FRAS1: variants seen among roughly 807,000 people sequenced by gnomAD.
FRAS1 encodes the protein extracellular matrix organizing protein FRAS1.
FRAS1 carries 290 observed loss-of-function variants against 435.2 expected under a neutral mutation model. The ratio of observed to expected loss-of-function variants is 0.67; its 90% confidence interval spans 0.61 to 0.73. The LOEUF is 0.73. Among genes scored for constraint, FRAS1 ranks in the 30% least tolerant of loss-of-function variants. FRAS1 has a pLI of 0.00. For missense variants in FRAS1, 4,860 were observed against 5,001.5 expected (o/e 0.97, Z 0.85); for synonymous variants, 1,800 against 1,851.0 (o/e 0.97, Z 0.71).
intron 6 of FRAS1, among the ~76,000 whole-genome samples, chr4:78,259,933 C>T (rs1019901294): frequency 2.0e-5 from 3 of 152,174 alleles, no homozygotes; most frequent in African/African-American, 7.2e-5. Flanking sequence ...TATGGCTAGC[C>T]AGTTTTCCCA....
chr4:78,511,591 G>T (rs1312680318), intron 64 of FRAS1, 85 bp downstream of exon 64: 6 of 990,870 alleles, frequency 6.1e-6, no homozygotes, highest in Non-Finnish European at 7.9e-6. Flanking sequence ...AATCAATAAG[G>T]GATGCTTCTG....
intron 17 of FRAS1, 73 bp downstream of exon 17, chr4:78,317,581 T>C (rs1178901218): frequency 2.2e-6 from 3 of 1,390,842 alleles, no homozygotes; most frequent in East Asian, 2.4e-5. Context: ...TCCAATAATA[T>C]AACTTTCCAG....
chr4:78,272,438 G>T (rs1253117910), intron 9 of FRAS1, among the ~76,000 whole-genome samples: 1 of 152,126 alleles, frequency 6.6e-6, no homozygotes, highest in African/African-American at 2.4e-5. Context: ...GATTTTTATG[G>T]TTTTAGGTCT....
intron 18 of FRAS1, among the ~76,000 whole-genome samples, chr4:78,332,709 C>T (rs1363545761): frequency 1.2e-5 from 1 of 84,598 alleles, no homozygotes; most frequent in Non-Finnish European, 2.7e-5. Flanking sequence ...ATTCTCTGTG[C>T]TATACTCTTT....
chr4:78,244,149 C>A (rs1725132596), intron 3 of FRAS1, among the ~76,000 whole-genome samples: 1 of 152,052 alleles, frequency 6.6e-6, no homozygotes, highest in Non-Finnish European at 1.5e-5. Context: ...AAAACTTAGT[C>A]CTATTTCCCA....
chr4:78,116,553 C>T (rs1392063339), intron 2 of FRAS1, among the ~76,000 whole-genome samples: 1 of 152,314 alleles, frequency 6.6e-6, no homozygotes, highest in East Asian at 1.9e-4. Flanking sequence ...ATTAGCTCTT[C>T]TTGTTGAATT....
At chr4:78,209,469 C>G (rs1723412502) in intron 2 of FRAS1, among the ~76,000 whole-genome samples, 1 of 152,116 alleles carries the variant, frequency 6.6e-6, no homozygotes. Flanking sequence ...CCTCTGTCCC[C>G]AAAAGACCAC....
chr4:78,151,553 A>C (rs1383989869), intron 2 of FRAS1, among the ~76,000 whole-genome samples: 1 of 152,154 alleles, frequency 6.6e-6, no homozygotes, highest in African/African-American at 2.4e-5. Flanking sequence ...TCATTTTGGT[A>C]GGGAATTTCA....
At chr4:78,393,382 C>T (rs911103927) in intron 29 of FRAS1, among the ~76,000 whole-genome samples, 4 of 147,416 alleles carry the variant, frequency 2.7e-5, no homozygotes, top group Non-Finnish European at 6.0e-5. Flanking sequence ...CATAAAATAT[C>T]TTATAATAGT....
chr4:78,274,885 C>T (rs1329443110), intron 9 of FRAS1, among the ~76,000 whole-genome samples: 4 of 152,062 alleles, frequency 2.6e-5, no homozygotes, highest in East Asian at 1.9e-4. Context: ...CTTTCTGTCT[C>T]GTTGATCTGT....
At chr4:78,323,263 A>T (rs369814248) in intron 18 of FRAS1, among the ~76,000 whole-genome samples, 12 of 152,364 alleles carry the variant, frequency 7.9e-5, no homozygotes, top group African/African-American at 2.9e-4. Flanking sequence ...CATTTTCAAT[A>T]ATCAGTCCGA....
chr4:78,441,181 C>G lies in FRAS1; in HGVS notation c.5549C>G (p.Ala1850Gly), dbSNP rs755342739. The G allele has an allele frequency of 6.2e-7, 1 of 1,613,536 alleles. No individual in the cohort carries two copies. Among genetic ancestry groups the G allele is most frequent in the Non-Finnish European group, 8.5e-7 (1 of 1,179,520 alleles). Reference sequence around the variant, plus strand: ...TCTTAGGTTGATGAGGGAGGGAGAGCACCACTCTCATTTCACCATTTTTTT... The same window carrying G: ...TCTTAGGTTGATGAGGGAGGGAGAGGACCACTCTCATTTCACCATTTTTTT... ...DLITVDEGGR[A>G]PLSFHHFFAT... Residue 1850 changes from alanine to glycine, a missense_variant, in exon 41 of 74, where the codon GCA becomes GGA. Physicochemically the swap from Ala to Gly is moderately conservative, Grantham distance 60 (BLOSUM62 0). Coordinates refer to ENST00000512123, the MANE Select transcript of FRAS1 (RefSeq NM_025074.7).
intron 2 of FRAS1, among the ~76,000 whole-genome samples, chr4:78,176,937 C>T (rs1721799583): frequency 6.6e-6 from 1 of 152,158 alleles, no homozygotes; most frequent in Non-Finnish European, 1.5e-5. Flanking sequence ...TCTTATCTGT[C>T]CCATCAAAAC....
chr4:78,250,594 A>G (rs1725486351), intron 4 of FRAS1, among the ~76,000 whole-genome samples: 1 of 152,240 alleles, frequency 6.6e-6, no homozygotes, highest in African/African-American at 2.4e-5. Context: ...AAGCTGTGAC[A>G]TCTTTAGTCA....
At position 78,491,705 on chromosome 4, in the gene FRAS1, G is replaced by A. The variant is rs7675997; in HGVS notation, c.8958+2625G>A. Among the ~76,000 whole-genome samples, 1,246 of 152,208 alleles carry A rather than the reference G, an allele frequency of 8.2e-3. 15 individuals carry two copies. The highest frequency in any genetic ancestry group is 0.029 in the African/African-American group (1,186 of 41,526). Reference sequence around the variant, plus strand: ...ACCCACAGCCAATATCATATTGAATGGCAAAAGCTGGAAGTATTCCCTTTG... The same window carrying A: ...ACCCACAGCCAATATCATATTGAATAGCAAAAGCTGGAAGTATTCCCTTTG... On this transcript the variant is annotated intron_variant, in intron 59 of 73. Coordinates refer to ENST00000512123, the MANE Select transcript of FRAS1 (RefSeq NM_025074.7).
intron 20 of FRAS1, among the ~76,000 whole-genome samples, chr4:78,363,158 G>C (rs528746113): frequency 1.3e-5 from 2 of 152,278 alleles, no homozygotes; most frequent in African/African-American, 4.8e-5. Context: ...TCCAGTCTCA[G>C]ACCCCCAGGG....
chr4:78,126,400 G>C (rs1305255811), intron 2 of FRAS1, among the ~76,000 whole-genome samples: 4 of 152,186 alleles, frequency 2.6e-5, no homozygotes, highest in Non-Finnish European at 4.4e-5. Flanking sequence ...GCCCTCTGTG[G>C]GCTGCACCCA....
At position 78,086,462 on chromosome 4, in the gene FRAS1, G is replaced by C. The variant is rs184681663; in HGVS notation, c.108+20446G>C. On this transcript the variant is annotated intron_variant, in intron 2 of 73. Coordinates refer to ENST00000512123, the MANE Select transcript of FRAS1 (RefSeq NM_025074.7). Reference sequence around the variant, plus strand: ...GAAGGAGATAGAGACACAAAAAACCGTTCAAAAAATCAATGAATCCAGGAG... The same window carrying C: ...GAAGGAGATAGAGACACAAAAAACCCTTCAAAAAATCAATGAATCCAGGAG... Among the ~76,000 whole-genome samples, 522 of 151,856 alleles carry C rather than the reference G, an allele frequency of 3.4e-3. 2 individuals carry two copies. Among genetic ancestry groups the C allele is most frequent in the Non-Finnish European group, 5.5e-3 (375 of 67,860 alleles).
chr4:78,139,610 A>T (rs10008346), intron 2 of FRAS1, among the ~76,000 whole-genome samples: 7,626 of 152,232 alleles, frequency 0.05, 258 homozygotes, highest in Admixed American at 0.084. Flanking sequence ...ACAGTGGGAT[A>T]CTTCATTAGT....
Sources: allele counts gnomAD v4.1 joint callset (sites outside exome capture counted in the v4.1 genomes callset), GRCh38; gene constraint gnomAD v4.1.1; transcripts MANE v1.5; gene names NCBI Gene and HGNC (gene_info 2026-07-23, HGNC 2026-07-21).